The following ANKH variants were observed in gnomAD, a reference collection of about 807,000 sequenced individuals.
The protein encoded by ANKH is mineralization regulator ANKH.
Under a neutral mutation model 49.0 loss-of-function variants are expected in ANKH, and 15 were observed. That is an observed-to-expected ratio of 0.31 (90% CI 0.20 to 0.47). The LOEUF (loss-of-function observed/expected upper bound fraction) is 0.47. Among genes scored for constraint, ANKH ranks in the 20% least tolerant of loss-of-function variants. The pLI, the probability that ANKH is intolerant of heterozygous loss-of-function variation, is 1.00. For synonymous variants in ANKH, 273 were observed against 260.0 expected (o/e 1.05, Z -0.48); for missense variants, 429 against 652.0 (o/e 0.66, Z 3.72).
At chr5:14,833,790 C>T (rs571142582) in intron 1 of ANKH, among the ~76,000 whole-genome samples, 3 of 152,310 alleles carry the variant, frequency 2.0e-5, no homozygotes, top group South Asian at 4.1e-4. Flanking sequence ...GTTACATCCC[C>T]TTATGGACCA....
intron 1 of ANKH, among the ~76,000 whole-genome samples, chr5:14,853,894 T>A (rs938854652): frequency 6.6e-6 from 1 of 152,096 alleles, no homozygotes; most frequent in Non-Finnish European, 1.5e-5. Context: ...TACACAAAGA[T>A]AGAGCAAACC....
rs1257622242 is a variant in ANKH, at chr5:14,725,454, A to C, written c.1012-8619T>G. Among the ~76,000 whole-genome samples the C allele has an allele frequency of 6.6e-6, 1 of 152,242 alleles. No homozygotes were observed. Among genetic ancestry groups the C allele is most frequent in the Non-Finnish European group, 1.5e-5 (1 of 68,040 alleles). On this transcript the variant is annotated intron_variant, in intron 8 of 11. Transcript: ENST00000284268. The surrounding 1 kb of genome is among the most constrained non-coding windows in gnomAD (Gnocchi z 4.0). The stretch of plus-strand genomic sequence containing the variant: ...ATACCTGGTGACCAAGTTGATTCAC[A>C]TTCCGGTGCTAGCTTCTTATCCCAT...
At chr5:14,752,128 T>C (rs1051400188) in intron 4 of ANKH, among the ~76,000 whole-genome samples, 1 of 152,122 alleles carries the variant, frequency 6.6e-6, no homozygotes, top group Non-Finnish European at 1.5e-5. Flanking sequence ...GGCAACTTAG[T>C]GAGACCCCAT....
At chr5:14,746,074 C>G (rs111650250) in intron 6 of ANKH, 112 bp from the exon 7 acceptor site, 9 of 811,322 alleles carry the variant, frequency 1.1e-5, no homozygotes, top group African/African-American at 5.0e-5. Context: ...GGACAGAGCC[C>G]GCTACACTGG....
chr5:14,843,469 C>G (rs1741869366), intron 1 of ANKH, among the ~76,000 whole-genome samples: 1 of 148,554 alleles, frequency 6.7e-6, no homozygotes, highest in Non-Finnish European at 1.5e-5. Flanking sequence ...AGCCACCACG[C>G]CTGGCCAGCT....
chr5:14,848,032 C>G (rs569001085), intron 1 of ANKH, among the ~76,000 whole-genome samples: 4 of 152,058 alleles, frequency 2.6e-5, no homozygotes, highest in African/African-American at 9.7e-5. Context: ...TCCAGCTACT[C>G]GGGAGGCTGA....
At chr5:14,867,260 A>G (rs2453319) in intron 1 of ANKH, among the ~76,000 whole-genome samples, 139,698 of 152,060 alleles carry the variant, frequency 0.92, 64,356 homozygotes, top group African/African-American at 0.98. Context: ...ATTTATAAAG[A>G]CCAGGTGGGT....
intron 1 of ANKH, among the ~76,000 whole-genome samples, chr5:14,792,977 TATATATATATAAAA>T (rs1740217972): frequency 1.7e-5 from 2 of 117,304 alleles, no homozygotes; most frequent in African/African-American, 6.9e-5. Flanking sequence ...AACTCCATCA[TATATATATATAAAA>T]ATATATATAT....
intron 1 of ANKH, among the ~76,000 whole-genome samples, chr5:14,858,544 C>T (rs1370750414): frequency 1.3e-5 from 2 of 152,034 alleles, no homozygotes; most frequent in African/African-American, 2.4e-5. Context: ...GGCGAAACCC[C>T]GTCTCTACTA....
rs117333972 is a variant in ANKH, at chr5:14,800,860, G to C, written c.97-31669C>G. On this transcript the variant is annotated intron_variant, in intron 1 of 11. Coordinates refer to ENST00000284268, the MANE Select transcript of ANKH (RefSeq NM_054027.6). ...TCCCACCTCAGCCTCGGGTAGCTGGGACCACAGACATGCTACCACCATACC... is the reference window on the plus strand; with the variant it reads ...TCCCACCTCAGCCTCGGGTAGCTGGCACCACAGACATGCTACCACCATACC... Among the ~76,000 whole-genome samples, 3 of 151,206 alleles carry C rather than the reference G, an allele frequency of 2.0e-5. No individual in the cohort carries two copies. The East Asian group carries it at 5.8e-4, about 29-fold the overall frequency.
At chr5:14,797,236 C>G (rs1740418315) in intron 1 of ANKH, 1 of 1,363,946 alleles carries the variant, frequency 7.3e-7, no homozygotes, top group South Asian at 1.2e-5. Context: ...GAACACATCA[C>G]TCAAGGTTCA....
intron 2 of ANKH, among the ~76,000 whole-genome samples, chr5:14,762,545 C>G (rs1025430039): frequency 2.0e-5 from 3 of 152,194 alleles, no homozygotes; most frequent in Non-Finnish European, 4.4e-5. Flanking sequence ...AGGGAAGAAG[C>G]TTTTCCTCCC....
chr5:14,719,144 G>A (rs924993718), intron 8 of ANKH, among the ~76,000 whole-genome samples: 2 of 152,240 alleles, frequency 1.3e-5, no homozygotes, highest in Non-Finnish European at 2.9e-5. Context: ...CACAACTGGG[G>A]ACACAGCTTC....
At chr5:14,712,075 GCTTTT>G (rs1472908701) in intron 11 of ANKH, among the ~76,000 whole-genome samples, 1 of 152,116 alleles carries the variant, frequency 6.6e-6, no homozygotes, top group East Asian at 1.9e-4. Flanking sequence ...TCCCTACCCT[GCTTTT>G]CTTTCATTAT....
intron 1 of ANKH, among the ~76,000 whole-genome samples, chr5:14,858,583 G>A (rs918368241): frequency 3.3e-5 from 5 of 152,022 alleles, no homozygotes; most frequent in African/African-American, 1.2e-4. Flanking sequence ...AGGCATGGTG[G>A]GTAATGCCTG....
At chr5:14,774,909 T>TA (rs1277085389) in intron 1 of ANKH, among the ~76,000 whole-genome samples, 1 of 151,960 alleles carries the variant, frequency 6.6e-6, no homozygotes, top group African/African-American at 2.4e-5. Flanking sequence ...TTTACTGTGA[T>TA]ATGTACTGAA....
chr5:14,796,693 T>G (rs1740401715), intron 1 of ANKH, among the ~76,000 whole-genome samples: 2 of 152,184 alleles, frequency 1.3e-5, no homozygotes, highest in Admixed American at 1.3e-4. Flanking sequence ...CTATATGACT[T>G]GAATCTCCCC....
intron 1 of ANKH, among the ~76,000 whole-genome samples, chr5:14,855,831 GAAAAAAAAAAGAAAAAGAAA>G (rs1561086101): frequency 8.1e-6 from 1 of 122,732 alleles, no homozygotes; most frequent in African/African-American, 3.1e-5. Context: ...CCCTAAGGTG[GAAAAAAAAAAGAAAAAGAAA>G]AAAAAAAAAA....
At chr5:14,871,036 T>A in intron 1 of ANKH, 1 of 444,482 alleles carries the variant, frequency 2.2e-6, no homozygotes, top group South Asian at 1.8e-5. Context: ...AACTACATTT[T>A]AATTAGAGCT....
Sources: gnomAD v4.1 joint callset for allele counts (sites outside exome capture counted in the v4.1 genomes callset) on GRCh38, gnomAD v4.1.1 for gene constraint, Gnocchi (gnomAD v3.1) non-coding constraint, MANE v1.5 for transcripts, NCBI Gene and HGNC (gene_info 2026-07-23, HGNC 2026-07-21) for gene names.